Variants in FMNL2 observed in about 807,000 individuals in gnomAD.
FMNL2 encodes the protein formin-like protein 2.
FMNL2 carries 51 observed loss-of-function variants against 130.2 expected under a neutral mutation model. The observed-to-expected ratio is 0.39, with a 90% CI of 0.31 to 0.49. FMNL2 has a LOEUF of 0.49. Among genes scored for constraint, FMNL2 ranks in the 20% least tolerant of loss-of-function variants. FMNL2 has a pLI of 0.85. For synonymous variants in FMNL2, 465 were observed against 467.1 expected, an observed-to-expected ratio of 1.00 and a Z score of 0.06; for missense variants, 977 against 1,316.2, an observed-to-expected ratio of 0.74 and a Z score of 3.99.
At chr2:152,397,243 GAATTTAA>G (rs1452705785) in intron 1 of FMNL2, among the ~76,000 whole-genome samples, 1 of 151,996 alleles carries the variant, frequency 6.6e-6, no homozygotes, top group Non-Finnish European at 1.5e-5. Context: ...TCAATGTGAA[GAATTTAA>G]AAAAGTCCCA....
intron 9 of FMNL2, among the ~76,000 whole-genome samples, chr2:152,594,848 C>T (rs1353821277): frequency 6.6e-6 from 1 of 152,168 alleles, no homozygotes; most frequent in Non-Finnish European, 1.5e-5. Context: ...TATAGTCAGA[C>T]TCGGTTTTCA....
chr2:152,496,969 G>A lies in FMNL2; in HGVS notation c.118-24974G>A, dbSNP rs560807684. ...TCATTTTTCTAAGAAGCTCTAGTTC[G>A]CCTTATTAGAGAAAGGTATATAGAA... On this transcript the variant is annotated intron_variant, in intron 1 of 25. Transcript: ENST00000288670. Among the ~76,000 whole-genome samples, 608 of 151,450 alleles carry A rather than the reference G, an allele frequency of 4.0e-3. 2 individuals carry two copies. The highest frequency in any genetic ancestry group is 6.8e-3 in the Middle Eastern group (2 of 294).
At chr2:152,523,101 A>G (rs923615830) in intron 2 of FMNL2, among the ~76,000 whole-genome samples, 11 of 152,244 alleles carry the variant, frequency 7.2e-5, no homozygotes, top group Non-Finnish European at 2.9e-5. Flanking sequence ...TGGATATAGT[A>G]TATGTTATTT....
At chr2:152,607,528 G>A in intron 10 of FMNL2, 115 bp downstream of exon 10, 1 of 765,168 alleles carries the variant, frequency 1.3e-6, no homozygotes, top group South Asian at 1.8e-5. Flanking sequence ...ACAAAGGACA[G>A]GGAATTGCAA....
chr2:152,458,709 C>T (rs976279857), intron 1 of FMNL2, among the ~76,000 whole-genome samples: 4 of 152,156 alleles, frequency 2.6e-5, no homozygotes, highest in African/African-American at 9.7e-5. Context: ...TGGCATGAAA[C>T]GGCCTCTGTG....
intron 21 of FMNL2, among the ~76,000 whole-genome samples, 175 bp downstream of exon 21, chr2:152,632,312 G>GAGCA (rs1415551172): frequency 2.6e-5 from 4 of 152,218 alleles, no homozygotes; most frequent in Middle Eastern, 3.2e-3. Flanking sequence ...GAGAGCAGAA[G>GAGCA]AGCACATGGG....
At chr2:152,450,558 T>C (rs1688585590) in intron 1 of FMNL2, among the ~76,000 whole-genome samples, 1 of 152,210 alleles carries the variant, frequency 6.6e-6, no homozygotes, top group African/African-American at 2.4e-5. Flanking sequence ...CTAAAATTTT[T>C]GTTTAAAAAA....
chr2:152,572,794 G>GT lies in FMNL2; in HGVS notation c.597-2327dup, dbSNP rs539896493. Among the ~76,000 whole-genome samples the GT allele has an allele frequency of 6.4e-3, 888 of 137,938 alleles. 11 individuals are homozygous for GT. The highest frequency in any genetic ancestry group is 0.011 in the East Asian group (54 of 4,702). 90.5% of individuals were successfully genotyped at this position (137,938 alleles called of 152,430 possible). ...TGCGTTGGAGCTGAATTCAAAACCT[G>GT]TTTTTTTTTTTTTTTAAAGTAGTCA... On this transcript the variant is annotated intron_variant, in intron 6 of 25. Transcript: ENST00000288670.
chr2:152,474,650 C>T (rs1480830469), intron 1 of FMNL2, among the ~76,000 whole-genome samples: 1 of 152,026 alleles, frequency 6.6e-6, no homozygotes, highest in African/African-American at 2.4e-5. Context: ...TGTACCACTG[C>T]ACTCCAGCCT....
intron 1 of FMNL2, among the ~76,000 whole-genome samples, chr2:152,492,451 A>G (rs1691265922): frequency 6.6e-6 from 1 of 152,196 alleles, no homozygotes. Flanking sequence ...CTCAGTTCTC[A>G]ATAATAGCTG....
chr2:152,345,702 T>C (rs939264099), intron 1 of FMNL2, among the ~76,000 whole-genome samples: 4 of 152,176 alleles, frequency 2.6e-5, no homozygotes, highest in African/African-American at 9.7e-5. Context: ...AAGCCAAATG[T>C]TTTGGGACCA....
intron 1 of FMNL2, among the ~76,000 whole-genome samples, chr2:152,506,654 A>G (rs1281302395): frequency 1.3e-5 from 2 of 152,176 alleles, no homozygotes; most frequent in Non-Finnish European, 2.9e-5. Flanking sequence ...GGTAGATAGT[A>G]TCTAGACTAG....
At chr2:152,367,411 G>A (rs1280169510) in intron 1 of FMNL2, among the ~76,000 whole-genome samples, 1 of 152,108 alleles carries the variant, frequency 6.6e-6, no homozygotes, top group African/African-American at 2.4e-5. Flanking sequence ...GAATAAGGCT[G>A]AAAAAATGTG....
intron 9 of FMNL2, among the ~76,000 whole-genome samples, chr2:152,598,958 G>C (rs1352835854): frequency 6.6e-6 from 1 of 152,214 alleles, no homozygotes; most frequent in African/African-American, 2.4e-5. Context: ...AGAAGTAAGA[G>C]CAAGTGGTGT....
At chr2:152,589,987 A>ATATATATGTATATGTATATGTATATG (rs1697322466) in intron 9 of FMNL2, among the ~76,000 whole-genome samples, 1 of 55,252 alleles carries the variant, frequency 1.8e-5, no homozygotes, top group African/African-American at 7.5e-5. Flanking sequence ...ATATATATGT[A>ATATATATGTATATGTATATGTATATG]TATGTATATG....
chr2:152,551,899 C>T (rs1342004245), intron 4 of FMNL2, among the ~76,000 whole-genome samples: 1 of 152,118 alleles, frequency 6.6e-6, no homozygotes, highest in Non-Finnish European at 1.5e-5. Context: ...ACCTGTAATG[C>T]CTGGGACACT....
chr2:152,649,796 A>G lies in FMNL2; in HGVS notation c.*1891A>G, dbSNP rs1248391875. 1 of 152,678 alleles carries G rather than the reference A, an allele frequency of 6.5e-6. No individual in the cohort carries two copies. Among genetic ancestry groups the G allele is most frequent in the Non-Finnish European group, 1.5e-5 (1 of 68,050 alleles). The allele number at this position is 152,678 out of a possible 1,614,324, so 9.5% of individuals were successfully genotyped here. A position where few individuals can be genotyped will look rare whatever the true frequency, so the allele number is the denominator to read the frequency against. On this transcript the variant is annotated 3_prime_UTR_variant, in exon 26 of 26. Transcript: ENST00000288670. ...TACTTTTCTGGTCTTTTCATGGCAT[A>G]TGAGCAAATAATAAACTATTTACAC... is the stretch of plus-strand genomic sequence containing the variant.
chr2:152,559,441 T>C, intron 5 of FMNL2, among the ~76,000 whole-genome samples: 1 of 152,132 alleles, frequency 6.6e-6, no homozygotes, highest in East Asian at 1.9e-4. Flanking sequence ...GAAGCTGGGA[T>C]TACAGGCACC....
At chr2:152,466,512 G>A (rs10166703) in intron 1 of FMNL2, among the ~76,000 whole-genome samples, 43,231 of 152,048 alleles carry the variant, frequency 0.28, 6,534 homozygotes, top group East Asian at 0.58. Flanking sequence ...AATTGTTGGT[G>A]GATATAATGT....
Sources: allele counts gnomAD v4.1 joint callset (sites outside exome capture counted in the v4.1 genomes callset), GRCh38; gene constraint gnomAD v4.1.1; transcripts MANE v1.5; gene names NCBI Gene and HGNC (gene_info 2026-07-23, HGNC 2026-07-21).